AGBL4: variants seen among roughly 807,000 people sequenced by gnomAD.
The protein encoded by AGBL4 is cytosolic carboxypeptidase 6.
Under a neutral mutation model 66.4 loss-of-function variants are expected in AGBL4, and 58 were observed. The observed-to-expected ratio is 0.87, with a 90% confidence interval of 0.71 to 1.09. AGBL4 has a LOEUF of 1.09. Among genes scored for constraint, AGBL4 ranks in the 50% least tolerant of loss-of-function variants. The pLI is 0.00. For missense variants in AGBL4, 579 were observed against 631.0 expected (o/e 0.92, Z 0.88); for synonymous variants, 234 against 222.9 (o/e 1.05, Z -0.44).
intron 2 of AGBL4, among the ~76,000 whole-genome samples, chr1:49,728,797 G>C (rs1279806571): frequency 6.6e-6 from 1 of 152,116 alleles, no homozygotes; most frequent in African/African-American, 2.4e-5. Context: ...GGAAGACTCA[G>C]GAATTATTCA....
chr1:49,461,628 C>T (rs1646514978), intron 3 of AGBL4, among the ~76,000 whole-genome samples: 1 of 147,944 alleles, frequency 6.8e-6, no homozygotes, highest in Non-Finnish European at 1.5e-5. Context: ...AGCCCCCCAC[C>T]CTACCAACAG....
intron 4 of AGBL4, among the ~76,000 whole-genome samples, chr1:49,182,951 A>G (rs937925202): frequency 3.9e-5 from 6 of 152,226 alleles, no homozygotes; most frequent in African/African-American, 9.6e-5. Context: ...ATTAAAGAAT[A>G]TAAGTGCTAT....
chr1:48,880,632 T>C (rs999654393), intron 5 of AGBL4, among the ~76,000 whole-genome samples: 2 of 152,100 alleles, frequency 1.3e-5, no homozygotes, highest in Admixed American at 6.5e-5. Context: ...ACACCTATTA[T>C]TTTTTTATTT....
chr1:48,803,636 G>A (rs1413216813), intron 6 of AGBL4, among the ~76,000 whole-genome samples: 2 of 152,172 alleles, frequency 1.3e-5, no homozygotes, highest in East Asian at 3.9e-4. Flanking sequence ...ACTCACTAAG[G>A]TCTGAGGTAA....
At chr1:50,012,282 C>A (rs887085404) in intron 1 of AGBL4, among the ~76,000 whole-genome samples, 63 of 151,274 alleles carry the variant, frequency 4.2e-4, no homozygotes, top group Middle Eastern at 3.5e-3. Context: ...GACCTGCTAT[C>A]GTGATAGCCC....
intron 1 of AGBL4, among the ~76,000 whole-genome samples, chr1:49,912,143 A>G (rs1204582255): frequency 6.6e-6 from 1 of 152,204 alleles, no homozygotes; most frequent in African/African-American, 2.4e-5. Flanking sequence ...CCCACAGGAG[A>G]TCCCAAGAGG....
Position 49,848,701 on chromosome 1 carries a change from G to A in AGBL4, c.157+2695C>T, listed in dbSNP as rs909768674. 2.6e-5 allele frequency among the ~76,000 whole-genome samples: 4 copies of A among 152,014 alleles called. No individual in the cohort carries two copies. The East Asian group carries it at 5.8e-4, about 22-fold the overall frequency. On this transcript the variant is annotated intron_variant, in intron 2 of 13. Transcript: ENST00000371839. ...ATGAGAGATGAGAAATTATTTAGTC[G>A]GTACAATGTATATTATTTGGGTAAT...
intron 2 of AGBL4, chr1:49,845,093 G>C: frequency 6.9e-7 from 1 of 1,458,844 alleles, no homozygotes; most frequent in Non-Finnish European, 9.5e-7. Context: ...CAGGAATGCA[G>C]AAAGGCCTTT....
At chr1:49,520,809 C>CTT (rs780615627) in intron 3 of AGBL4, among the ~76,000 whole-genome samples, 10 of 139,166 alleles carry the variant, frequency 7.2e-5, no homozygotes, top group Non-Finnish European at 7.9e-5. Flanking sequence ...AGATCACTCA[C>CTT]TTTTTTTTTT....
chr1:48,859,569 A>G (rs1647308684), intron 6 of AGBL4, among the ~76,000 whole-genome samples: 1 of 152,224 alleles, frequency 6.6e-6, no homozygotes, highest in South Asian at 2.1e-4. Flanking sequence ...CTTCTTAGTG[A>G]ACCCCAACTA....
intron 9 of AGBL4, among the ~76,000 whole-genome samples, chr1:48,597,113 C>T (rs1004069759): frequency 1.3e-5 from 2 of 152,216 alleles, no homozygotes; most frequent in Non-Finnish European, 2.9e-5. Context: ...TACTGCTTAT[C>T]CCAAATGGGC....
At chr1:49,460,795 G>A (rs909853562) in intron 3 of AGBL4, among the ~76,000 whole-genome samples, 1 of 151,568 alleles carries the variant, frequency 6.6e-6, no homozygotes, top group Non-Finnish European at 1.5e-5. Context: ...GCTGTCTTGG[G>A]AGTGGTGAAT....
intron 6 of AGBL4, among the ~76,000 whole-genome samples, chr1:48,764,786 A>C (rs182695865): frequency 1.3e-5 from 2 of 152,332 alleles, no homozygotes; most frequent in African/African-American, 4.8e-5. Flanking sequence ...GTAGGATCAA[A>C]TCAGCTCAGT....
At chr1:49,815,850 A>G (rs1645217895) in intron 2 of AGBL4, among the ~76,000 whole-genome samples, 1 of 152,112 alleles carries the variant, frequency 6.6e-6, no homozygotes, top group African/African-American at 2.4e-5. Context: ...TTTGAAAACT[A>G]GCTGTTTCTT....
At chr1:48,788,920 G>A (rs976318103) in intron 6 of AGBL4, among the ~76,000 whole-genome samples, 5 of 152,196 alleles carry the variant, frequency 3.3e-5, no homozygotes, top group Admixed American at 1.3e-4. Flanking sequence ...TTCAAATGGA[G>A]TAAGTGAAAT....
intron 2 of AGBL4, among the ~76,000 whole-genome samples, chr1:49,762,554 A>G (rs879938574): frequency 8.6e-5 from 13 of 151,830 alleles, no homozygotes; most frequent in Non-Finnish European, 1.8e-4. Flanking sequence ...CTGGGACTAC[A>G]GGCGCCTGCC....
Position 49,490,370 on chromosome 1 carries a change from C to A in AGBL4, c.282+206943G>T, listed in dbSNP as rs1647164665. 5.9e-5 allele frequency among the ~76,000 whole-genome samples: 9 copies of A among 151,720 alleles called. No homozygotes were observed. In the South Asian group the frequency reaches 1.7e-3, roughly 28 times the overall value. On this transcript the variant is annotated intron_variant, in intron 3 of 13. Coordinates refer to ENST00000371839, the MANE Select transcript of AGBL4 (RefSeq NM_032785.4). ...CTTTGAAGTTTTTAGATAAATCCTA[C>A]TTCTCAGTAATTAAATTTTCTGCAT...
chr1:49,393,530 A>G (rs1570606311), intron 3 of AGBL4, among the ~76,000 whole-genome samples: 1 of 152,184 alleles, frequency 6.6e-6, no homozygotes, highest in Non-Finnish European at 1.5e-5. Flanking sequence ...AACAGAGCTC[A>G]CACTTTATCA....
chr1:49,741,105 C>A (rs1459877711), intron 2 of AGBL4, among the ~76,000 whole-genome samples: 1 of 151,814 alleles, frequency 6.6e-6, no homozygotes, highest in Non-Finnish European at 1.5e-5. Flanking sequence ...AATCAATGAA[C>A]CCAGGAGATG....
Sources: gnomAD v4.1 joint callset for allele counts (sites outside exome capture counted in the v4.1 genomes callset) on GRCh38, gnomAD v4.1.1 for gene constraint, MANE v1.5 for transcripts, NCBI Gene and HGNC (gene_info 2026-07-23, HGNC 2026-07-21) for gene names.